PPP1R12B: variants seen among roughly 807,000 people sequenced by gnomAD.
PPP1R12B encodes the protein protein phosphatase 1 regulatory subunit 12B.
PPP1R12B carries 76 observed loss-of-function variants against 126.1 expected under a neutral mutation model. That is an observed-to-expected ratio of 0.60 (90% CI 0.50 to 0.73). The LOEUF (loss-of-function observed/expected upper bound fraction) is 0.73. Among genes scored for constraint, PPP1R12B ranks in the 30% least tolerant of loss-of-function variants. The pLI is 0.00. For missense variants in PPP1R12B, 1,052 were observed against 1,205.1 expected (o/e 0.87, Z 1.88); for synonymous variants, 356 against 434.7 (o/e 0.82, Z 2.25).
chr1:202,561,276 G>A (rs185813094), intron 19 of PPP1R12B, among the ~76,000 whole-genome samples: 2 of 152,108 alleles, frequency 1.3e-5, no homozygotes, highest in Non-Finnish European at 2.9e-5. Flanking sequence ...AGATAAGTCT[G>A]CTCATTTTAG....
At chr1:202,499,657 GT>G (rs780291722) in intron 18 of PPP1R12B, among the ~76,000 whole-genome samples, 1 of 152,148 alleles carries the variant, frequency 6.6e-6, no homozygotes, top group East Asian at 1.9e-4. Flanking sequence ...AATATCTATG[GT>G]TTTTCCCCCC....
intron 18 of PPP1R12B, among the ~76,000 whole-genome samples, chr1:202,554,614 G>T (rs1686693309): frequency 6.6e-6 from 1 of 151,980 alleles, no homozygotes; most frequent in Non-Finnish European, 1.5e-5. Context: ...AGATAGCAAG[G>T]AAAGATCAAG....
rs144408771 is a variant in PPP1R12B, at chr1:202,590,048, C to T, written c.*9488C>T. On this transcript the variant is annotated 3_prime_UTR_variant, in exon 24 of 24. Coordinates refer to ENST00000608999, the MANE Select transcript of PPP1R12B (RefSeq NM_002481.4). ...CAATGCTGTCCCACTCTCCCTTTCC[C>T]TAAAAATTCTGACGCCCTATCCCTG... is the stretch of plus-strand genomic sequence containing the variant. 3 of 152,326 alleles carry T rather than the reference C, an allele frequency of 2.0e-5. No individual in the cohort carries two copies. The East Asian group carries it at 5.8e-4, about 29-fold the overall frequency. 9.4% of individuals were successfully genotyped at this position (152,326 alleles called of 1,614,324 possible). A position where few individuals can be genotyped will look rare whatever the true frequency, so the allele number is the denominator to read the frequency against.
intron 22 of PPP1R12B, 107 bp downstream of exon 22, chr1:202,567,938 G>A: frequency 7.5e-7 from 1 of 1,327,274 alleles, no homozygotes; most frequent in Non-Finnish European, 1.1e-6. Flanking sequence ...AAGAAGGAGG[G>A]AGTTCTGCCA....
chr1:202,567,853 C>A (rs1461297090), intron 22 of PPP1R12B, 22 bp downstream of exon 22: 1 of 1,611,924 alleles, frequency 6.2e-7, no homozygotes, highest in African/African-American at 1.3e-5. Context: ...TCTGTTTCCC[C>A]CTCCACCCCA....
chr1:202,411,112 A>C (rs2148598383), intron 1 of PPP1R12B, among the ~76,000 whole-genome samples: 1 of 152,260 alleles, frequency 6.6e-6, no homozygotes, highest in South Asian at 2.1e-4. Context: ...ACCATGCTTC[A>C]GTCGTGAATG....
intron 18 of PPP1R12B, chr1:202,540,235 G>A (rs762582737): frequency 1.4e-5 from 22 of 1,597,808 alleles, no homozygotes; most frequent in East Asian, 1.1e-4. Context: ...CTGCCAAGAC[G>A]CTCCGAGTAA....
At chr1:202,415,095 A>G (rs1667897717) in intron 1 of PPP1R12B, among the ~76,000 whole-genome samples, 1 of 152,146 alleles carries the variant, frequency 6.6e-6, no homozygotes, top group Non-Finnish European at 1.5e-5. Flanking sequence ...GCTTTTTCCT[A>G]GAATCAACCA....
chr1:202,483,239 A>G (rs1230497479), intron 13 of PPP1R12B, among the ~76,000 whole-genome samples: 1 of 135,012 alleles, frequency 7.4e-6, no homozygotes, highest in Non-Finnish European at 1.6e-5. Flanking sequence ...CTGGTTTCCT[A>G]TGAATTTTAG....
intron 13 of PPP1R12B, among the ~76,000 whole-genome samples, chr1:202,452,368 C>T (rs1376884050): frequency 4.6e-5 from 7 of 152,182 alleles, no homozygotes; most frequent in African/African-American, 9.7e-5. Flanking sequence ...GCCAACACAG[C>T]GAAACCCCGT....
chr1:202,365,436 G>GA (rs797003355), intron 1 of PPP1R12B, among the ~76,000 whole-genome samples: 275 of 142,434 alleles, frequency 1.9e-3, no homozygotes, highest in African/African-American at 2.8e-3. Context: ...CTCTAAAAAA[G>GA]AAAAAAAAAA....
intron 5 of PPP1R12B, 136 bp downstream of exon 5, chr1:202,427,320 C>T (rs1206611616): frequency 1.1e-5 from 13 of 1,233,618 alleles, no homozygotes; most frequent in Admixed American, 2.8e-5. Flanking sequence ...TGTTACCCTC[C>T]ACCACCCTGC....
In PPP1R12B at chr1:202,591,930, G is replaced by C. The variant is rs1409609534; in HGVS notation, c.*11370G>C. 2.0e-5 allele frequency: 3 copies of C among 152,924 alleles called. No individual in the cohort carries two copies. The allele number at this position is 152,924 out of a possible 1,614,324, so 9.5% of individuals were successfully genotyped here. A position where few individuals can be genotyped will look rare whatever the true frequency, so the allele number is the denominator to read the frequency against. The stretch of plus-strand genomic sequence containing the variant: ...CTGTGAACCCAGGCCGAGAAAGCCA[G>C]CTCGGGCAGGGCCAGCATGGGCATC... On this transcript the variant is annotated 3_prime_UTR_variant, in exon 24 of 24. Transcript: ENST00000608999.
intron 13 of PPP1R12B, among the ~76,000 whole-genome samples, chr1:202,481,888 T>A (rs1379404753): frequency 2.0e-5 from 3 of 152,100 alleles, no homozygotes; most frequent in Admixed American, 2.0e-4. Context: ...TCTCACCTCT[T>A]CCCTCCCCAG....
Position 202,588,262 on chromosome 1 carries a change from A to C in PPP1R12B, c.*7702A>C, listed in dbSNP as rs1470297523. 6.6e-6 allele frequency: 1 copy of C among 152,552 alleles called. No homozygotes were observed. The highest frequency in any genetic ancestry group is 1.5e-5 in the Non-Finnish European group (1 of 68,032). The allele number at this position is 152,552 out of a possible 1,614,324, so 9.4% of individuals were successfully genotyped here. On this transcript the variant is annotated 3_prime_UTR_variant, in exon 24 of 24. Coordinates refer to ENST00000608999, the MANE Select transcript of PPP1R12B (RefSeq NM_002481.4). ...AGTTCCACCAAGGTTCACACACCAG[A>C]TGTAACTGTTTTTCAGCTGAGTTGT...
chr1:202,514,329 T>C (rs1372677772), intron 18 of PPP1R12B, among the ~76,000 whole-genome samples: 1 of 152,194 alleles, frequency 6.6e-6, no homozygotes, highest in Non-Finnish European at 1.5e-5. Flanking sequence ...CTACATATTA[T>C]ACCTTTGTCA....
intron 1 of PPP1R12B, among the ~76,000 whole-genome samples, chr1:202,395,461 G>GCT (rs1407596093): frequency 1.3e-5 from 2 of 152,088 alleles, no homozygotes; most frequent in Non-Finnish European, 2.9e-5. Flanking sequence ...ATCTCATTTT[G>GCT]CTATCAAATC....
chr1:202,513,428 G>A (rs1036536896), intron 18 of PPP1R12B, among the ~76,000 whole-genome samples: 12 of 152,180 alleles, frequency 7.9e-5, no homozygotes, highest in Admixed American at 4.6e-4. Context: ...GGAAGAATAT[G>A]TTTGGGGATG....
intron 13 of PPP1R12B, among the ~76,000 whole-genome samples, chr1:202,481,731 C>T (rs1677398380): frequency 6.6e-6 from 1 of 152,170 alleles, no homozygotes; most frequent in African/African-American, 2.4e-5. Flanking sequence ...GTGGTAAGAA[C>T]ATTCAAAAGC....
Sources: gnomAD v4.1 joint callset for allele counts (sites outside exome capture counted in the v4.1 genomes callset) on GRCh38, gnomAD v4.1.1 for gene constraint, MANE v1.5 for transcripts, NCBI Gene and HGNC (gene_info 2026-07-23, HGNC 2026-07-21) for gene names.